SLC24A2: variants seen among roughly 807,000 people sequenced by gnomAD.
SLC24A2 encodes sodium/potassium/calcium exchanger 2.
Under a neutral mutation model 62.0 loss-of-function variants are expected in SLC24A2, and 36 were observed. The ratio of observed to expected loss-of-function variants is 0.58; its 90% CI spans 0.44 to 0.77. SLC24A2 has a LOEUF of 0.77. Among genes scored for constraint, SLC24A2 ranks in the 30% least tolerant of loss-of-function variants. SLC24A2 has a pLI of 0.00. For missense variants in SLC24A2, 846 were observed against 817.9 expected, an observed-to-expected ratio of 1.03 and a Z score of -0.42; for synonymous variants, 358 against 294.0, an observed-to-expected ratio of 1.22 and a Z score of -2.23.
the SLC24A2 span, among the ~76,000 whole-genome samples, chr9:20,279,975 T>C: frequency 7.2e-5 from 11 of 152,332 alleles, no homozygotes; most frequent in African/African-American, 2.6e-4. Context: ...AATGGTCCCA[T>C]CTTTAAAATT....
chr9:19,646,208 T>C (rs1283515326), intron 2 of SLC24A2, among the ~76,000 whole-genome samples: 2 of 152,218 alleles, frequency 1.3e-5, no homozygotes, highest in African/African-American at 2.4e-5. Context: ...CTGGTGCCTA[T>C]AAATCTTCTT....
the SLC24A2 span, among the ~76,000 whole-genome samples, chr9:19,906,585 A>C: frequency 6.6e-6 from 1 of 152,212 alleles, no homozygotes; most frequent in Non-Finnish European, 1.5e-5. Flanking sequence ...CGCTGGCAAC[A>C]CTAATAAAGA....
chr9:20,087,770 C>G, the SLC24A2 span, among the ~76,000 whole-genome samples: 1 of 152,172 alleles, frequency 6.6e-6, no homozygotes, highest in Non-Finnish European at 1.5e-5. Context: ...AAGTACAACA[C>G]CTTCAGCTGA....
At chr9:19,925,069 A>C in the SLC24A2 span, among the ~76,000 whole-genome samples, 1 of 152,194 alleles carries the variant, frequency 6.6e-6, no homozygotes, top group African/African-American at 2.4e-5. Flanking sequence ...CACCAAAGTA[A>C]AACACAGCTT....
chr9:20,059,157 A>G, the SLC24A2 span, among the ~76,000 whole-genome samples: 24 of 152,222 alleles, frequency 1.6e-4, no homozygotes, highest in African/African-American at 5.5e-4. Context: ...GTGATTAAGA[A>G]TTCCAAGATG....
the SLC24A2 span, among the ~76,000 whole-genome samples, chr9:19,851,232 C>A: frequency 6.6e-6 from 1 of 150,576 alleles, no homozygotes; most frequent in African/African-American, 2.4e-5. Flanking sequence ...ACGATGTCGG[C>A]TAAGCTGGTC....
At chr9:20,029,880 G>A in the SLC24A2 span, among the ~76,000 whole-genome samples, 1 of 152,102 alleles carries the variant, frequency 6.6e-6, no homozygotes, top group East Asian at 1.9e-4. Context: ...GGAACCAGGT[G>A]AAACAAGCAG....
the SLC24A2 span, among the ~76,000 whole-genome samples, chr9:20,287,947 A>AT: frequency 6.6e-6 from 1 of 152,218 alleles, no homozygotes; most frequent in Admixed American, 6.5e-5. Flanking sequence ...AGTTTTCTCA[A>AT]TTTTTACACA....
chr9:19,990,623 A>C, the SLC24A2 span, among the ~76,000 whole-genome samples: 15 of 39,066 alleles, frequency 3.8e-4, no homozygotes, highest in African/African-American at 5.8e-4. Context: ...AAACAAAAAA[A>C]AAAAAACAAA....
the SLC24A2 span, among the ~76,000 whole-genome samples, chr9:19,872,796 G>A: frequency 1.7e-3 from 252 of 152,204 alleles, 2 homozygotes; most frequent in African/African-American, 5.9e-3. Flanking sequence ...GGCAGTCCTG[G>A]GTCTTCTTGT....
intron 2 of SLC24A2, among the ~76,000 whole-genome samples, chr9:19,623,437 C>T (rs528514516): frequency 1.3e-5 from 2 of 152,308 alleles, no homozygotes; most frequent in South Asian, 4.1e-4. Flanking sequence ...GGGTCTACCA[C>T]ACCTACCATG....
chr9:19,899,293 C>A, the SLC24A2 span, among the ~76,000 whole-genome samples: 2 of 152,164 alleles, frequency 1.3e-5, no homozygotes, highest in Admixed American at 6.5e-5. Context: ...TGCAGGCTGC[C>A]TTTTAGAAAA....
At chr9:20,254,818 C>T in the SLC24A2 span, among the ~76,000 whole-genome samples, 384 of 152,260 alleles carry the variant, frequency 2.5e-3, 9 homozygotes, top group Admixed American at 0.023. Context: ...GTTTAACTGA[C>T]GCACAATTAC....
At chr9:20,167,144 A>C in the SLC24A2 span, among the ~76,000 whole-genome samples, 1 of 152,150 alleles carries the variant, frequency 6.6e-6, no homozygotes, top group African/African-American at 2.4e-5. Flanking sequence ...GAATGTTGTA[A>C]ACACACTGAA....
the SLC24A2 span, among the ~76,000 whole-genome samples, chr9:19,954,801 G>A: frequency 2.6e-5 from 4 of 152,052 alleles, no homozygotes; most frequent in Non-Finnish European, 5.9e-5. Flanking sequence ...CCTCTTTACT[G>A]GAGAAGTTAT....
the SLC24A2 span, among the ~76,000 whole-genome samples, chr9:20,086,045 C>T: frequency 6.6e-6 from 1 of 152,312 alleles, no homozygotes; most frequent in East Asian, 1.9e-4. Context: ...CCCATGTCCT[C>T]CTTCATCAGA....
chr9:19,641,576 G>A (rs886501242), intron 2 of SLC24A2, among the ~76,000 whole-genome samples: 1 of 149,212 alleles, frequency 6.7e-6, no homozygotes, highest in African/African-American at 2.5e-5. Context: ...GTGCAGTGGT[G>A]TGATCTTGGC....
chr9:19,851,959 C>T, the SLC24A2 span, among the ~76,000 whole-genome samples: 5 of 152,206 alleles, frequency 3.3e-5, no homozygotes, highest in South Asian at 4.1e-4. Flanking sequence ...GCTATAAAAG[C>T]GTTCCTGTTT....
chr9:20,234,366 G>C, the SLC24A2 span, among the ~76,000 whole-genome samples: 1 of 151,944 alleles, frequency 6.6e-6, no homozygotes, highest in African/African-American at 2.4e-5. Flanking sequence ...AGATACACCA[G>C]TCAGACGTAG....
Sources: gnomAD v4.1 joint callset for allele counts (sites outside exome capture counted in the v4.1 genomes callset) on GRCh38, gnomAD v4.1.1 for gene constraint, MANE v1.5 for transcripts, NCBI Gene and HGNC (gene_info 2026-07-23, HGNC 2026-07-21) for gene names.